The following AHDC1 variants were observed in gnomAD, a reference collection of about 807,000 sequenced individuals.
AHDC1 encodes the protein transcription factor Gibbin.
AHDC1 carries 7 observed loss-of-function variants against 87.9 expected under a neutral mutation model. The ratio of observed to expected loss-of-function variants is 0.08; its 90% CI spans 0.05 to 0.15. The LOEUF is 0.15. Ranked by LOEUF, AHDC1 falls within the 10% of genes least tolerant of loss-of-function variation. The pLI is 1.00. For missense variants in AHDC1, 1,841 were observed against 2,253.2 expected (o/e 0.82, Z 3.70); for synonymous variants, 1,051 against 1,006.8 (o/e 1.04, Z -0.83).
chr1:27,573,933 C>A (rs983849757), intron 3 of AHDC1, among the ~76,000 whole-genome samples: 2 of 152,226 alleles, frequency 1.3e-5, no homozygotes, highest in African/African-American at 2.4e-5. Flanking sequence ...CCTTCCAGTA[C>A]ACCAGGGTCT....
intron 3 of AHDC1, among the ~76,000 whole-genome samples, chr1:27,564,475 A>G (rs1193688538): frequency 6.6e-6 from 1 of 152,198 alleles, no homozygotes; most frequent in Non-Finnish European, 1.5e-5. Flanking sequence ...TCATGAGACA[A>G]GGTAGCATAA....
At chr1:27,576,939 T>C (rs753281247) in intron 3 of AHDC1, among the ~76,000 whole-genome samples, 3 of 152,142 alleles carry the variant, frequency 2.0e-5, no homozygotes, top group Non-Finnish European at 2.9e-5. Flanking sequence ...TGCATCCCAG[T>C]GCTCACCGCC....
intron 5 of AHDC1, among the ~76,000 whole-genome samples, chr1:27,555,761 C>T (rs72884695): frequency 0.12 from 17,523 of 152,056 alleles, 1,457 homozygotes; most frequent in African/African-American, 0.23. Context: ...CCTTCCCCGC[C>T]CTGGAGACCT....
intron 5 of AHDC1, among the ~76,000 whole-genome samples, chr1:27,555,296 C>T (rs1042989471): frequency 1.3e-5 from 2 of 152,232 alleles, no homozygotes; most frequent in Admixed American, 6.5e-5. Flanking sequence ...CCATCTCATG[C>T]CCCTCCCATT....
At chr1:27,553,674 G>A (rs1476915177) in intron 5 of AHDC1, 1 of 152,068 alleles carries the variant, frequency 6.6e-6, no homozygotes, top group Non-Finnish European at 1.5e-5. Flanking sequence ...CCTGGAAGAT[G>A]GTAAACACCA....
chr1:27,602,196 A>AG (rs2089547681), intron 3 of AHDC1, among the ~76,000 whole-genome samples: 1 of 151,638 alleles, frequency 6.6e-6, no homozygotes, highest in South Asian at 2.1e-4. Flanking sequence ...GCTGGGAGGG[A>AG]GGGGAGACTC....
At position 27,550,892 on chromosome 1, in the gene AHDC1, T is replaced by G. The variant is rs774724457; in HGVS notation, c.1224A>C (p.Gly408=). Reference sequence around the variant, plus strand: ...GCAGGGGCAGTAGGCGGCCCTCGGGTCCGGCGTCTGCCTTGCGTCCCCGTC... The same window carrying G: ...GCAGGGGCAGTAGGCGGCCCTCGGGGCCGGCGTCTGCCTTGCGTCCCCGTC... ...KAGRGRKADA[G]PEGRLLPLPM... The change falls in exon 8 of 9, where the codon GGA becomes GGC. Residue 408 remains glycine, a synonymous_variant. Coordinates refer to ENST00000673934, the MANE Select transcript of AHDC1 (RefSeq NM_001371928.1). 2.5e-6 allele frequency: 4 copies of G among 1,590,048 alleles called. No individual in the cohort carries two copies. The Admixed American group carries it at 5.1e-5, about 20-fold the overall frequency.
intron 8 of AHDC1, among the ~76,000 whole-genome samples, chr1:27,535,785 T>C (rs1218066742): frequency 1.3e-5 from 2 of 152,044 alleles, no homozygotes; most frequent in East Asian, 3.9e-4. Flanking sequence ...TACCCCTTTT[T>C]CCCAGACAGT....
intron 3 of AHDC1, among the ~76,000 whole-genome samples, chr1:27,602,567 G>T (rs2089559205): frequency 6.6e-6 from 1 of 152,102 alleles, no homozygotes; most frequent in South Asian, 2.1e-4. Context: ...GCAGGGGAAG[G>T]CGCCCTCAAG....
chr1:27,549,546 A>G lies in AHDC1; in HGVS notation c.2570T>C (p.Leu857Pro). Residue 857 changes from leucine (L) to proline (P), a missense_variant, in exon 8 of 9, where the codon CTC (leucine) becomes CCC (proline). Leu to Pro is a moderately conservative substitution (Grantham distance 98, BLOSUM62 -3). This residue lies in a region of AHDC1 where 378 missense variants were observed against 399.0 expected (regional missense o/e 0.95). Transcript: ENST00000673934. Reference sequence around the variant, plus strand: ...CCGGGACTCTGGGCGAGAGGCTGAGAGGGCAAAGTCCAAGAGATCGGAGGA... The same window carrying G: ...CCGGGACTCTGGGCGAGAGGCTGAGGGGGCAAAGTCCAAGAGATCGGAGGA... ...DDSSDLLDFALSASRPESRKA... is the reference protein window; with the variant it reads ...DDSSDLLDFAPSASRPESRKA... The G allele has an allele frequency of 6.2e-7, 1 of 1,613,242 alleles. No individual in the cohort carries two copies. Among genetic ancestry groups the G allele is most frequent in the African/African-American group, 1.3e-5 (1 of 75,038 alleles).
In AHDC1 at chr1:27,545,222, C is replaced by T. The variant is rs145354668; in HGVS notation, c.*43+2039G>A. ...CTTAATGCCACTGTTTGCTGTCTTT[C>T]CCTCTAAATGGGAAGCCCCCTGAGG... On this transcript the variant is annotated intron_variant, in intron 8 of 8. Coordinates refer to ENST00000673934, the MANE Select transcript of AHDC1 (RefSeq NM_001371928.1). Among the ~76,000 whole-genome samples the T allele has an allele frequency of 5.2e-3, 787 of 152,152 alleles. 2 individuals carry two copies. The highest frequency in any genetic ancestry group is 8.2e-3 in the Non-Finnish European group (556 of 68,032).
chr1:27,547,513 C>T lies in AHDC1; in HGVS notation c.4603G>A (p.Ala1535Thr), dbSNP rs193153262. Residue 1535 changes from alanine to threonine, a missense_variant, in exon 8 of 9, where the codon GCT (alanine) becomes ACT (threonine). By Grantham distance (58) the Ala-to-Thr change is moderately conservative. This residue lies in a region of AHDC1 where 505 missense variants were observed against 626.2 expected (regional missense o/e 0.81). Transcript: ENST00000673934. The surrounding 1 kb of genome is among the most constrained non-coding windows in gnomAD (Gnocchi z 4.9). Reference protein sequence around the residue: ...PGPPRGPAAAAAGYGCPLLSD... With the variant: ...PGPPRGPAAATAGYGCPLLSD... ...AGGAGTGGGCAGCCATAGCCAGCAG[C>T]GGCTGCAGCAGGGCCACGGGGTGGG... The T allele has an allele frequency of 1.1e-4, 170 of 1,608,812 alleles. 1 individual carries two copies. In the Admixed American group the frequency reaches 1.5e-3, roughly 14 times the overall value.
chr1:27,583,849 CTT>C (rs978350480), intron 3 of AHDC1, among the ~76,000 whole-genome samples: 2 of 152,134 alleles, frequency 1.3e-5, no homozygotes, highest in Non-Finnish European at 2.9e-5. Context: ...AGTATCAGCT[CTT>C]TATTATTTCT....
Position 27,548,488 on chromosome 1 carries a change from C to G in AHDC1, c.3628G>C (p.Glu1210Gln). The part of the protein sequence containing the change: ...SLEKLMMDWN[E>Q]ASSAPGYNWN... ...TTGTAGCCGGGGGCAGATGATGCCT[C>G]GTTCCAGTCCATCATCAGTTTCTCC... The change falls in exon 8 of 9, where the codon GAG (glutamate) becomes CAG (glutamine). Residue 1210 changes from glutamate to glutamine, a missense_variant. This residue lies in a region of AHDC1 where 505 missense variants were observed against 626.2 expected (regional missense o/e 0.81). Transcript: ENST00000673934. 5 of 1,613,908 alleles carry G rather than the reference C, an allele frequency of 3.1e-6. No individual in the cohort carries two copies. The highest frequency in any genetic ancestry group is 4.2e-6 in the Non-Finnish European group (5 of 1,180,038).
chr1:27,566,522 G>A (rs561798681), intron 3 of AHDC1, among the ~76,000 whole-genome samples: 1 of 151,972 alleles, frequency 6.6e-6, no homozygotes, highest in Admixed American at 6.5e-5. Context: ...CCAGCGACCC[G>A]GGAGCTGGAG....
intron 3 of AHDC1, among the ~76,000 whole-genome samples, chr1:27,581,862 G>A (rs72655010): frequency 0.16 from 25,026 of 152,120 alleles, 2,819 homozygotes; most frequent in Non-Finnish European, 0.25. Flanking sequence ...CTCTCATCTG[G>A]TCAGCGGGGC....
rs2019340155 is a variant in AHDC1, at chr1:27,548,821, A to G, written c.3295T>C (p.Cys1099Arg). ...TGAGAAGCCCCCGCAAACTGCCGACAGTTCTCGGGCGAGGGCTGGAAGGAG... is the reference window on the plus strand; with the variant it reads ...TGAGAAGCCCCCGCAAACTGCCGACGGTTCTCGGGCGAGGGCTGGAAGGAG... ...SSSFQPSPEN[C>R]RQFAGASQWP... is the part of the protein sequence containing the mutation. The change falls in exon 8 of 9, where the codon TGT becomes CGT. Residue 1099 changes from cysteine to arginine, a missense_variant. Physicochemically the swap from Cys to Arg is radical, Grantham distance 180 (BLOSUM62 -3). Around this residue, in one of 13 missense-constraint regions of AHDC1, gnomAD observed 378 missense variants for 399.0 expected, o/e 0.95. Transcript: ENST00000673934. 11 of 1,612,768 alleles carry G rather than the reference A, an allele frequency of 6.8e-6. No individual in the cohort carries two copies. Among genetic ancestry groups the G allele is most frequent in the Non-Finnish European group, 8.5e-6 (10 of 1,179,854 alleles).
chr1:27,571,014 A>T (rs973077059), intron 3 of AHDC1, among the ~76,000 whole-genome samples: 11 of 152,168 alleles, frequency 7.2e-5, no homozygotes, highest in Non-Finnish European at 1.6e-4. Flanking sequence ...GGGAGCTCAC[A>T]TACCAACGCA....
intron 8 of AHDC1, among the ~76,000 whole-genome samples, chr1:27,537,552 G>A (rs906075195): frequency 6.6e-6 from 1 of 152,118 alleles, no homozygotes; most frequent in Non-Finnish European, 1.5e-5. Flanking sequence ...GTCCAGCTCC[G>A]GCCTTGCACA....
Sources: gnomAD v4.1 joint callset for allele counts (sites outside exome capture counted in the v4.1 genomes callset) on GRCh38, gnomAD v4.1.1 for gene constraint, gnomAD v4.1.1 regional missense constraint, Gnocchi (gnomAD v3.1) non-coding constraint, MANE v1.5 for transcripts, NCBI Gene and HGNC (gene_info 2026-07-23, HGNC 2026-07-21) for gene names.